The following ROCK1 variants were observed in gnomAD, a reference collection of about 807,000 sequenced individuals.
ROCK1 encodes rho-associated protein kinase 1.
In ROCK1, 36 loss-of-function variants were observed where a neutral mutation model predicts 196.8. The ratio of observed to expected loss-of-function variants is 0.18; its 90% CI spans 0.14 to 0.24. The LOEUF is 0.24. Among genes scored for constraint, ROCK1 ranks in the 10% least tolerant of loss-of-function variants. ROCK1 has a pLI of 1.00. For missense variants in ROCK1, 920 were observed against 1,562.0 expected (o/e 0.59, Z 6.93); for synonymous variants, 443 against 515.9 (o/e 0.86, Z 1.91).
intron 1 of ROCK1, among the ~76,000 whole-genome samples, chr18:21,099,306 A>G (rs1226700017): frequency 6.6e-6 from 1 of 152,254 alleles, no homozygotes; most frequent in African/African-American, 2.4e-5. Flanking sequence ...ATATGTGTAT[A>G]TGGATACATA....
At chr18:21,075,973 A>G (rs1264896602) in intron 1 of ROCK1, among the ~76,000 whole-genome samples, 1 of 151,360 alleles carries the variant, frequency 6.6e-6, no homozygotes, top group Admixed American at 6.6e-5. Context: ...AAAAGGAAAG[A>G]AAAAAAAGAG....
chr18:21,051,222 C>A (rs1293988284), intron 2 of ROCK1, among the ~76,000 whole-genome samples: 1 of 152,158 alleles, frequency 6.6e-6, no homozygotes, highest in Non-Finnish European at 1.5e-5. Context: ...CTGAGGCAAG[C>A]GGAATGTATG....
At chr18:20,968,526 G>A (rs1214273048) in intron 25 of ROCK1, 9 of 362,408 alleles carry the variant, frequency 2.5e-5, no homozygotes, top group Middle Eastern at 7.6e-4. Context: ...GGCTGCTCTC[G>A]AACTCCTGGC....
chr18:20,961,554 T>C (rs2035326752), intron 27 of ROCK1, among the ~76,000 whole-genome samples: 1 of 152,200 alleles, frequency 6.6e-6, no homozygotes, highest in Non-Finnish European at 1.5e-5. Flanking sequence ...TATCAGTATC[T>C]ATCAAAGCTC....
intron 12 of ROCK1, among the ~76,000 whole-genome samples, chr18:21,018,314 G>A (rs1209477961): frequency 3.3e-5 from 5 of 152,012 alleles, no homozygotes; most frequent in Non-Finnish European, 7.4e-5. Flanking sequence ...TGGATCACCT[G>A]AGGTCAGGAG....
At chr18:21,096,323 C>A (rs1363975634) in intron 1 of ROCK1, among the ~76,000 whole-genome samples, 1 of 152,100 alleles carries the variant, frequency 6.6e-6, no homozygotes, top group African/African-American at 2.4e-5. Flanking sequence ...GTCTCAGCCT[C>A]CCGAGTGGCT....
chr18:20,982,912 C>T, intron 20 of ROCK1, 80 bp from the exon 21 acceptor site: 1 of 652,970 alleles, frequency 1.5e-6, no homozygotes, highest in Non-Finnish European at 2.7e-6. Flanking sequence ...GTTAAAGTTG[C>T]TAATATAAAA....
At chr18:20,993,497 G>A (rs781339832) in intron 16 of ROCK1, among the ~76,000 whole-genome samples, 13 of 152,142 alleles carry the variant, frequency 8.5e-5, no homozygotes, top group Non-Finnish European at 1.8e-4. Context: ...CACCGCGCCC[G>A]GCACTGAGTG....
intron 22 of ROCK1, among the ~76,000 whole-genome samples, chr18:20,976,001 G>C (rs1301259197): frequency 6.6e-6 from 1 of 152,140 alleles, no homozygotes; most frequent in Non-Finnish European, 1.5e-5. Context: ...CTCTTACACT[G>C]TTGGTAGCTT....
intron 2 of ROCK1, among the ~76,000 whole-genome samples, chr18:21,062,059 T>A (rs1321233642): frequency 9.2e-5 from 14 of 152,172 alleles, no homozygotes; most frequent in African/African-American, 3.1e-4. Flanking sequence ...CTGGTATACA[T>A]GCATACATAT....
intron 1 of ROCK1, among the ~76,000 whole-genome samples, chr18:21,078,363 CACACACACACAGAG>C (rs937418367): frequency 1.3e-5 from 2 of 148,166 alleles, no homozygotes; most frequent in African/African-American, 5.1e-5. Flanking sequence ...CACACACACA[CACACACACACAGAG>C]AGAGAGAGAG....
chr18:20,957,318 A>G (rs2035252181), intron 29 of ROCK1, among the ~76,000 whole-genome samples: 1 of 152,234 alleles, frequency 6.6e-6, no homozygotes, highest in African/African-American at 2.4e-5. Flanking sequence ...AATACAAAGA[A>G]CAATCAATAC....
chr18:20,985,030 G>C (rs1228500847), intron 19 of ROCK1, among the ~76,000 whole-genome samples: 1 of 151,636 alleles, frequency 6.6e-6, no homozygotes, highest in Non-Finnish European at 1.5e-5. Flanking sequence ...GAGCCTACGA[G>C]TCAGAGGTTG....
chr18:20,956,402 C>A (rs1244876345), intron 29 of ROCK1, among the ~76,000 whole-genome samples: 1 of 152,118 alleles, frequency 6.6e-6, no homozygotes. Flanking sequence ...GACACAACCA[C>A]AATAGGCCTA....
At chr18:20,981,735 T>C (rs1198541142) in intron 21 of ROCK1, among the ~76,000 whole-genome samples, 1 of 152,132 alleles carries the variant, frequency 6.6e-6, no homozygotes, top group African/African-American at 2.4e-5. Flanking sequence ...AAAAAATACA[T>C]AAATGTCCAT....
Position 20,966,928 on chromosome 18 carries a change from C to A in ROCK1, c.3341G>T (p.Gly1114Val). The change falls in exon 27 of 33, where the codon GGT becomes GTT. Residue 1114 changes from glycine (G) to valine (V), a missense_variant. Physicochemically the swap from Gly to Val is moderately radical, Grantham distance 109. Transcript: ENST00000399799. ...ASFPSADETD[G>V]NLPESRIEGW... ...AGAATTATTCTTACCTGGGAGGTTA[C>A]CATCAGTTTCATCAGCACTAGGAAA... 1.2e-6 allele frequency: 2 copies of A among 1,611,048 alleles called. No individual in the cohort carries two copies. Among genetic ancestry groups the A allele is most frequent in the South Asian group, 1.1e-5 (1 of 90,682 alleles).
intron 16 of ROCK1, among the ~76,000 whole-genome samples, chr18:20,994,821 C>A (rs2035656880): frequency 1.3e-5 from 2 of 152,106 alleles, no homozygotes; most frequent in South Asian, 4.1e-4. Context: ...CTGTGCAATA[C>A]ACGAAAGCAA....
chr18:21,013,587 G>T (rs921652301), intron 13 of ROCK1, among the ~76,000 whole-genome samples: 4 of 152,210 alleles, frequency 2.6e-5, no homozygotes, highest in African/African-American at 9.7e-5. Context: ...TGTAAGTGTA[G>T]ATTCCCCACA....
chr18:20,949,152 G>T lies in ROCK1; in HGVS notation c.*2232C>A, dbSNP rs1339208105. On this transcript the variant is annotated 3_prime_UTR_variant, in exon 33 of 33. Transcript: ENST00000399799. ...TAAGTTCAGATTAGTATGTCATTTG[G>T]AAAGTCTTCTCTTGCTTAAACTAAT... The T allele has an allele frequency of 6.6e-6, 1 of 152,126 alleles. No individual in the cohort carries two copies. Among genetic ancestry groups the T allele is most frequent in the Non-Finnish European group, 1.5e-5 (1 of 68,028 alleles). 9.4% of individuals were successfully genotyped at this position (152,126 alleles called of 1,614,324 possible).
Sources: gnomAD v4.1 joint callset for allele counts (sites outside exome capture counted in the v4.1 genomes callset) on GRCh38, gnomAD v4.1.1 for gene constraint, MANE v1.5 for transcripts, NCBI Gene and HGNC (gene_info 2026-07-23, HGNC 2026-07-21) for gene names.